The following ABLIM3 variants were observed in gnomAD, a reference collection of about 807,000 sequenced individuals.
ABLIM3 encodes the protein actin binding LIM protein family member 3.
A neutral mutation model predicts 109.5 loss-of-function variants in ABLIM3; 61 were observed. The observed-to-expected ratio is 0.56, with a 90% confidence interval of 0.45 to 0.69. The LOEUF (loss-of-function observed/expected upper bound fraction) is 0.69. Among genes scored for constraint, ABLIM3 ranks in the 30% least tolerant of loss-of-function variants. The pLI is 0.00. For synonymous variants in ABLIM3, 300 were observed against 324.8 expected (o/e 0.92, Z 0.82); for missense variants, 796 against 889.5 (o/e 0.89, Z 1.34).
intron 3 of ABLIM3, among the ~76,000 whole-genome samples, chr5:149,186,723 T>C (rs988751680): frequency 6.6e-6 from 1 of 151,770 alleles, no homozygotes; most frequent in African/African-American, 2.4e-5. Context: ...CAAATTATAA[T>C]GGAATGAGAG....
At chr5:149,225,266 T>C (rs1761061655) in intron 8 of ABLIM3, among the ~76,000 whole-genome samples, 1 of 146,986 alleles carries the variant, frequency 6.8e-6, no homozygotes, top group African/African-American at 2.4e-5. Context: ...ATCATTTTCA[T>C]CACTTCAAAA....
At position 149,259,679 on chromosome 5, in the gene ABLIM3, C is replaced by T. The variant is rs1754743240; in HGVS notation, c.*1275C>T. 12 of 1,248,396 alleles carry T rather than the reference C, an allele frequency of 9.6e-6. No homozygotes were observed. Among genetic ancestry groups the T allele is most frequent in the Admixed American group, 8.0e-5 (4 of 50,162 alleles). The allele number at this position is 1,248,396 out of a possible 1,614,324, so 77.3% of individuals were successfully genotyped here. ...CCCTGAACAGGGGAGAAAGCTTAAC[C>T]TCTCTTCTCCTCTCCAAACCTTTCA... is the stretch of plus-strand genomic sequence containing the variant. On this transcript the variant is annotated 3_prime_UTR_variant, in exon 24 of 24. Transcript: ENST00000309868.
intron 8 of ABLIM3, 59 bp downstream of exon 8, chr5:149,217,105 G>A (rs1760173072): frequency 6.8e-7 from 1 of 1,478,422 alleles, no homozygotes; most frequent in Non-Finnish European, 9.4e-7. Flanking sequence ...GAAAGGAGAT[G>A]CGATCTTCAG....
In ABLIM3 at chr5:149,233,220, C is replaced by G; in HGVS notation, c.817-9C>G. The G allele has an allele frequency of 6.2e-7, 1 of 1,614,144 alleles. No homozygotes were observed. The highest frequency in any genetic ancestry group is 2.2e-5 in the East Asian group (1 of 44,886). ...CTTCTCACCTTTTCTGTCTTCATCTCTCTCACAGCATAGACGGACATCTGA... is the reference window on the plus strand; with the variant it reads ...CTTCTCACCTTTTCTGTCTTCATCTGTCTCACAGCATAGACGGACATCTGA... On this transcript the variant is annotated splice_polypyrimidine_tract_variant and intron_variant, in intron 9 of 23. Coordinates refer to ENST00000309868, the MANE Select transcript of ABLIM3 (RefSeq NM_014945.5).
At chr5:149,184,516 C>T (rs1031099931) in intron 3 of ABLIM3, among the ~76,000 whole-genome samples, 5 of 152,306 alleles carry the variant, frequency 3.3e-5, no homozygotes, top group African/African-American at 1.2e-4. Context: ...AATTGGGTCT[C>T]ATCTTAAATG....
chr5:149,181,257 AAG>A (rs1209034732), intron 2 of ABLIM3, among the ~76,000 whole-genome samples: 6 of 151,924 alleles, frequency 3.9e-5, no homozygotes, highest in Non-Finnish European at 8.8e-5. Flanking sequence ...AGAAAAAGAA[AAG>A]AGAATAAGAT....
intron 8 of ABLIM3, among the ~76,000 whole-genome samples, chr5:149,226,109 G>T (rs969575761): frequency 1.1e-4 from 16 of 149,652 alleles, no homozygotes; most frequent in Non-Finnish European, 2.1e-4. Context: ...GCAGTTCCAA[G>T]GTTCCTCCCA....
rs368112588 is a variant in ABLIM3 at position 149,237,551 on chromosome 5, C to A, written c.992C>A (p.Pro331His). 4 of 1,614,196 alleles carry A rather than the reference C, an allele frequency of 2.5e-6. No individual in the cohort carries two copies. In the Admixed American group the frequency reaches 5.0e-5, roughly 20 times the overall value. Reference protein sequence around the residue: ...VQRPDLISYEPHSRYMSDEML... With the variant: ...VQRPDLISYEHHSRYMSDEML... ...CGCCCCGACCTCATTTCCTATGAGC[C>A]TCATTCCAGATACATGTCCGACGAG... is the stretch of plus-strand genomic sequence containing the variant. The change falls in exon 11 of 24, where the codon CCT becomes CAT. Residue 331 changes from proline to histidine, a missense_variant. Physicochemically the swap from Pro to His is moderately conservative, Grantham distance 77. Transcript: ENST00000309868.
Position 149,163,757 on chromosome 5 carries a change from G to A in ABLIM3, c.14-19695G>A, listed in dbSNP as rs192293435. 4.2e-3 allele frequency among the ~76,000 whole-genome samples: 632 copies of A among 152,242 alleles called. 2 individuals are homozygous for A. The highest frequency in any genetic ancestry group is 0.014 in the African/African-American group (590 of 41,536). ...GTAGGGACTTCATCATGTGAATTTG[G>A]GGGGTGAGAGAGACAGGGACAGGAG... is the stretch of plus-strand genomic sequence containing the variant. On this transcript the variant is annotated intron_variant, in intron 2 of 23. Coordinates refer to ENST00000309868, the MANE Select transcript of ABLIM3 (RefSeq NM_014945.5).
chr5:149,259,518 C>G lies in ABLIM3; in HGVS notation c.*1114C>G. On this transcript the variant is annotated 3_prime_UTR_variant, in exon 24 of 24. Transcript: ENST00000309868. ...CCATACCCCCGCCAGTCCTCGGCTC[C>G]TGCTGCAAAGTTGGCCATGTTTCAC... 1.3e-6 allele frequency: 2 copies of G among 1,536,252 alleles called. No individual in the cohort carries two copies. Among genetic ancestry groups the G allele is most frequent in the South Asian group, 2.4e-5 (2 of 84,064 alleles).
chr5:149,184,262 A>G (rs1336097068), intron 3 of ABLIM3, among the ~76,000 whole-genome samples: 2 of 152,030 alleles, frequency 1.3e-5, no homozygotes, highest in East Asian at 1.9e-4. Flanking sequence ...CCCTTCCACA[A>G]TGTCTCTCCA....
chr5:149,258,195 A>G (rs1490622840), intron 23 of ABLIM3, 96 bp from the exon 24 acceptor site: 4 of 1,071,616 alleles, frequency 3.7e-6, no homozygotes, highest in Non-Finnish European at 5.5e-6. Flanking sequence ...GGGAACATGC[A>G]GCACCCACTG....
chr5:149,147,435 T>A (rs1305775909), intron 2 of ABLIM3, among the ~76,000 whole-genome samples: 6 of 152,224 alleles, frequency 3.9e-5, no homozygotes, highest in Non-Finnish European at 8.8e-5. Context: ...GTGAATTAAC[T>A]TCTTGGTGTT....
chr5:149,254,572 C>T lies in ABLIM3; in HGVS notation c.1938+1735C>T, dbSNP rs150821413. Among the ~76,000 whole-genome samples, 846 of 152,176 alleles carry T rather than the reference C, an allele frequency of 5.6e-3. 8 individuals are homozygous for T. Among genetic ancestry groups the T allele is most frequent in the African/African-American group, 0.02 (821 of 41,506 alleles). On this transcript the variant is annotated intron_variant, in intron 23 of 23. Coordinates refer to ENST00000309868, the MANE Select transcript of ABLIM3 (RefSeq NM_014945.5). ...TGGCGTGGAATTGGCCCAGGGTAGA[C>T]GGTTGGGGCAGAAGGAGGGGAATGT...
At chr5:149,153,569 C>G (rs1312058629) in intron 2 of ABLIM3, among the ~76,000 whole-genome samples, 2 of 152,212 alleles carry the variant, frequency 1.3e-5, no homozygotes, top group African/African-American at 2.4e-5. Flanking sequence ...TCTGCAGACC[C>G]TGATCAGGCT....
chr5:149,184,838 T>G (rs1345688174), intron 3 of ABLIM3, among the ~76,000 whole-genome samples: 1 of 152,228 alleles, frequency 6.6e-6, no homozygotes, highest in Non-Finnish European at 1.5e-5. Flanking sequence ...TTCTTCATGA[T>G]CTAACTAGAC....
chr5:149,256,528 T>C (rs1175622903), intron 23 of ABLIM3, among the ~76,000 whole-genome samples: 1 of 152,188 alleles, frequency 6.6e-6, no homozygotes, highest in Non-Finnish European at 1.5e-5. Flanking sequence ...ATAAACCAAC[T>C]GTGAAAAGAC....
intron 2 of ABLIM3, among the ~76,000 whole-genome samples, chr5:149,155,888 A>G (rs115808651): frequency 2.6e-5 from 4 of 152,294 alleles, no homozygotes; most frequent in East Asian, 3.9e-4. Context: ...TCTACAGCCA[A>G]TGAGGAGTCA....
In ABLIM3 at chr5:149,239,838, AG is replaced by A. The variant is rs756334502; in HGVS notation, c.1157del (p.Gly386AlafsTer30). On this transcript the variant is annotated frameshift_variant, in exon 13 of 24. Coordinates refer to ENST00000309868, the MANE Select transcript of ABLIM3 (RefSeq NM_014945.5). LOFTEE classifies it high-confidence loss of function. ...GYIDSPTYSR[Q>X]GMSPTFSRSP... is the part of the protein sequence containing the mutation. The stretch of plus-strand genomic sequence containing the variant: ...ATAGACTCCCCCACCTACAGCCGGC[AG>A]GGCATGTCCCCCACCTTCTCCCGCT... 1 of 1,611,388 alleles carries A rather than the reference AG, an allele frequency of 6.2e-7. No homozygotes were observed. The highest frequency in any genetic ancestry group is 8.5e-7 in the Non-Finnish European group (1 of 1,178,666).
Sources: gnomAD v4.1 joint callset for allele counts (sites outside exome capture counted in the v4.1 genomes callset) on GRCh38, gnomAD v4.1.1 for gene constraint, MANE v1.5 for transcripts, NCBI Gene and HGNC (gene_info 2026-07-23, HGNC 2026-07-21) for gene names.